FAF1: variants seen among roughly 807,000 people sequenced by gnomAD.
The protein encoded by FAF1 is Fas associated factor 1.
In FAF1, 25 loss-of-function variants were observed where a neutral mutation model predicts 92.5. The observed-to-expected ratio is 0.27, with a 90% CI of 0.20 to 0.38. FAF1 has a LOEUF of 0.38. Ranked by LOEUF, FAF1 falls within the 10% of genes least tolerant of loss-of-function variation. The probability of loss-of-function intolerance (pLI) is 1.00; values close to 1 mark genes in which losing one functional copy is unlikely to be tolerated. For synonymous variants in FAF1, 234 were observed against 273.2 expected (o/e 0.86, Z 1.42); for missense variants, 636 against 793.3 (o/e 0.80, Z 2.38).
intron 4 of FAF1, among the ~76,000 whole-genome samples, chr1:50,751,134 A>G (rs1392624247): frequency 7.3e-6 from 1 of 137,560 alleles, no homozygotes. Context: ...GACAATATTC[A>G]ACACCCATTT....
chr1:50,769,193 T>C lies in FAF1; in HGVS notation c.367+18807A>G, dbSNP rs570693552. ...ACCTCTATGCACAAACTAGAAAACATAGAAGAAATGAATAAATTTCTGGAA... is the reference window on the plus strand; with the variant it reads ...ACCTCTATGCACAAACTAGAAAACACAGAAGAAATGAATAAATTTCTGGAA... On this transcript the variant is annotated intron_variant, in intron 4 of 18. Transcript: ENST00000396153. 1.3e-3 allele frequency among the ~76,000 whole-genome samples: 198 copies of C among 152,046 alleles called. 1 individual carries two copies. The highest frequency in any genetic ancestry group is 4.3e-3 in the African/African-American group (179 of 41,474).
intron 8 of FAF1, among the ~76,000 whole-genome samples, chr1:50,615,006 C>G (rs1269557635): frequency 6.6e-6 from 1 of 152,146 alleles, no homozygotes; most frequent in African/African-American, 2.4e-5. Flanking sequence ...AGTGAGCATA[C>G]TACCCAATAG....
chr1:50,561,418 A>G (rs1464300559), intron 13 of FAF1, among the ~76,000 whole-genome samples: 1 of 152,230 alleles, frequency 6.6e-6, no homozygotes, highest in Non-Finnish European at 1.5e-5. Flanking sequence ...TCACACAATT[A>G]GAGGAATGTA....
At chr1:50,471,427 A>T (rs1196783082) in intron 18 of FAF1, among the ~76,000 whole-genome samples, 6 of 152,204 alleles carry the variant, frequency 3.9e-5, no homozygotes, top group Admixed American at 3.9e-4. Context: ...CTCTAGGAAA[A>T]CCATGCTGGA....
chr1:50,654,331 T>G (rs1655007219), intron 8 of FAF1, among the ~76,000 whole-genome samples: 1 of 152,172 alleles, frequency 6.6e-6, no homozygotes, highest in South Asian at 2.1e-4. Context: ...AAATTAGATG[T>G]AACTTGAGAT....
At chr1:50,693,122 G>A (rs1657012842) in intron 7 of FAF1, among the ~76,000 whole-genome samples, 1 of 152,142 alleles carries the variant, frequency 6.6e-6, no homozygotes, top group Non-Finnish European at 1.5e-5. Flanking sequence ...TGTCCTAACT[G>A]AGAAACCATT....
rs375448287 is a variant in FAF1, at chr1:50,760,383, C to T, written c.368-15608G>A. On this transcript the variant is annotated intron_variant, in intron 4 of 18. Transcript: ENST00000396153. The stretch of plus-strand genomic sequence containing the variant: ...CTCCACCCCAAATCAACAGAACATA[C>T]ATTTTTTTCAGCACCACAACACACT... 1.8e-4 allele frequency among the ~76,000 whole-genome samples: 28 copies of T among 152,308 alleles called. No individual in the cohort carries two copies. The South Asian group carries it at 4.6e-3, about 25-fold the overall frequency.
At chr1:50,521,977 G>A (rs757964591) in intron 15 of FAF1, among the ~76,000 whole-genome samples, 7 of 152,188 alleles carry the variant, frequency 4.6e-5, no homozygotes, top group Non-Finnish European at 5.9e-5. Context: ...CTTCTACTGT[G>A]AGGTGTCAGA....
At chr1:50,827,124 C>T (rs1317650694) in intron 2 of FAF1, among the ~76,000 whole-genome samples, 2 of 152,054 alleles carry the variant, frequency 1.3e-5, no homozygotes, top group African/African-American at 4.8e-5. Context: ...TACCCAACAG[C>T]TCCAAAGAGA....
At chr1:50,593,083 G>C (rs1434292198) in intron 9 of FAF1, among the ~76,000 whole-genome samples, 1 of 152,014 alleles carries the variant, frequency 6.6e-6, no homozygotes, top group Non-Finnish European at 1.5e-5. Flanking sequence ...AACAGAAAAA[G>C]CTGCTCAAAA....
intron 9 of FAF1, among the ~76,000 whole-genome samples, chr1:50,594,105 G>A (rs776382596): frequency 6.6e-6 from 1 of 151,944 alleles, no homozygotes. Flanking sequence ...TTGAGGTCAG[G>A]AGTTCAAGAC....
At chr1:50,543,615 T>C (rs1051331486) in intron 13 of FAF1, among the ~76,000 whole-genome samples, 37 of 152,224 alleles carry the variant, frequency 2.4e-4, no homozygotes, top group African/African-American at 8.7e-4. Context: ...ATTAAATGCA[T>C]AATAATATTT....
intron 4 of FAF1, among the ~76,000 whole-genome samples, chr1:50,757,945 T>C (rs1490561518): frequency 1.3e-5 from 2 of 152,266 alleles, no homozygotes; most frequent in Non-Finnish European, 2.9e-5. Flanking sequence ...TTTAATGTAG[T>C]CTCACTCTGA....
intron 4 of FAF1, among the ~76,000 whole-genome samples, chr1:50,787,407 T>C (rs748327060): frequency 6.6e-6 from 1 of 152,122 alleles, no homozygotes; most frequent in African/African-American, 2.4e-5. Flanking sequence ...TAAAAAGAGT[T>C]TGATGAAGGG....
chr1:50,467,990 T>C (rs567645089), intron 18 of FAF1, among the ~76,000 whole-genome samples: 1 of 152,164 alleles, frequency 6.6e-6, no homozygotes, highest in East Asian at 1.9e-4. Flanking sequence ...AGGCAGATCA[T>C]CTGAGCCCAG....
chr1:50,554,571 T>G (rs1649479027), intron 13 of FAF1, among the ~76,000 whole-genome samples: 1 of 152,080 alleles, frequency 6.6e-6, no homozygotes, highest in Non-Finnish European at 1.5e-5. Context: ...CAGATATTCC[T>G]TGTTACAAAA....
At chr1:50,907,031 C>T (rs1293309482) in intron 1 of FAF1, among the ~76,000 whole-genome samples, 1 of 152,146 alleles carries the variant, frequency 6.6e-6, no homozygotes, top group East Asian at 1.9e-4. Flanking sequence ...ATAAATAGCT[C>T]TTATTATCTT....
chr1:50,727,698 G>A (rs1658721361), intron 6 of FAF1, among the ~76,000 whole-genome samples: 1 of 152,200 alleles, frequency 6.6e-6, no homozygotes, highest in Admixed American at 6.5e-5. Flanking sequence ...GTTGCCAAAG[G>A]AGATTAACAT....
At chr1:50,690,380 C>T (rs1174324497) in intron 7 of FAF1, among the ~76,000 whole-genome samples, 1 of 152,094 alleles carries the variant, frequency 6.6e-6, no homozygotes, top group Non-Finnish European at 1.5e-5. Context: ...CCAAGGTGGG[C>T]AATCACAAGA....
Sources: allele counts gnomAD v4.1 joint callset (sites outside exome capture counted in the v4.1 genomes callset), GRCh38; gene constraint gnomAD v4.1.1; transcripts MANE v1.5; gene names NCBI Gene and HGNC (gene_info 2026-07-23, HGNC 2026-07-21).